The following TAFA5 variants were observed in gnomAD, a reference collection of about 807,000 sequenced individuals.
TAFA5 encodes the protein TAFA chemokine like family member 5.
A neutral mutation model predicts 15.3 loss-of-function variants in TAFA5; 6 were observed. The observed-to-expected ratio is 0.39, with a 90% CI of 0.21 to 0.77. The LOEUF is 0.77. TAFA5 is among the 30% of genes least tolerant of loss of function. TAFA5 has a pLI of 0.41. For missense variants in TAFA5, 161 were observed against 193.1 expected, an observed-to-expected ratio of 0.83 and a Z score of 0.98; for synonymous variants, 103 against 80.7, an observed-to-expected ratio of 1.28 and a Z score of -1.48.
chr22:48,600,955 C>T (rs1024785858), intron 1 of TAFA5, among the ~76,000 whole-genome samples: 80 of 152,318 alleles, frequency 5.3e-4, no homozygotes, highest in African/African-American at 7.7e-4. Flanking sequence ...GCTCCCTCTC[C>T]GCGGTCACGG....
intron 1 of TAFA5, among the ~76,000 whole-genome samples, chr22:48,567,061 G>A (rs1178551627): frequency 1.3e-5 from 2 of 152,246 alleles, no homozygotes; most frequent in East Asian, 3.8e-4. Context: ...CACACGGGCA[G>A]GTGCTGCTTC....
chr22:48,665,455 A>T (rs1156300852), intron 2 of TAFA5, among the ~76,000 whole-genome samples: 1 of 152,066 alleles, frequency 6.6e-6, no homozygotes, highest in Non-Finnish European at 1.5e-5. Context: ...GGGAAACGTC[A>T]TCTTACCCCA....
At chr22:48,646,113 T>C (rs1010863251) in intron 1 of TAFA5, among the ~76,000 whole-genome samples, 2 of 152,120 alleles carry the variant, frequency 1.3e-5, no homozygotes, top group Non-Finnish European at 1.5e-5. Flanking sequence ...CACACAACTT[T>C]TGACAAGCCT....
In TAFA5 at chr22:48,706,083, C is replaced by A. The variant is rs891123042; in HGVS notation, c.263-1634C>A. Among the ~76,000 whole-genome samples, 24 of 152,202 alleles carry A rather than the reference C, an allele frequency of 1.6e-4. 1 individual carries two copies. The highest frequency in any genetic ancestry group is 3.5e-4 in the Non-Finnish European group (24 of 68,028). Reference sequence around the variant, plus strand: ...CCATGGGGGCCACTCTTGCCCTGGGCCTGGGTGTCTGTGCAGCCTGGGCCT... The same window carrying A: ...CCATGGGGGCCACTCTTGCCCTGGGACTGGGTGTCTGTGCAGCCTGGGCCT... On this transcript the variant is annotated intron_variant, in intron 2 of 3. Coordinates refer to ENST00000402357, the MANE Select transcript of TAFA5 (RefSeq NM_001082967.3).
chr22:48,601,182 G>A (rs1386916216), intron 1 of TAFA5, among the ~76,000 whole-genome samples: 1 of 152,220 alleles, frequency 6.6e-6, no homozygotes, highest in East Asian at 1.9e-4. Context: ...AGGACAAAAC[G>A]TGGTGTGTGT....
intron 1 of TAFA5, among the ~76,000 whole-genome samples, chr22:48,537,925 G>T (rs564300613): frequency 8.8e-4 from 134 of 152,292 alleles, no homozygotes; most frequent in Middle Eastern, 6.8e-3. Context: ...GCAGGGGCAC[G>T]ATGCCTTCCA....
chr22:48,674,415 A>G (rs531711262), intron 2 of TAFA5, among the ~76,000 whole-genome samples: 1 of 152,262 alleles, frequency 6.6e-6, no homozygotes, highest in South Asian at 2.1e-4. Flanking sequence ...CACACATCCC[A>G]GGATCTGCTC....
chr22:48,670,143 G>A (rs75796549), intron 2 of TAFA5, among the ~76,000 whole-genome samples: 1,718 of 152,278 alleles, frequency 0.011, 35 homozygotes, highest in African/African-American at 0.04. Context: ...CAGCTCTCCG[G>A]GCTGTGCGTG....
intron 1 of TAFA5, among the ~76,000 whole-genome samples, chr22:48,531,074 C>T (rs986370519): frequency 2.6e-5 from 4 of 152,090 alleles, no homozygotes; most frequent in African/African-American, 9.7e-5. Flanking sequence ...TCAGAGGTGG[C>T]TGGGGTAGCC....
chr22:48,748,869 G>A (rs560835775), intron 3 of TAFA5, among the ~76,000 whole-genome samples: 3 of 152,320 alleles, frequency 2.0e-5, no homozygotes, highest in South Asian at 2.1e-4. Context: ...GGTGCCTGGA[G>A]GTGCCCGCCC....
intron 2 of TAFA5, among the ~76,000 whole-genome samples, chr22:48,702,864 T>G (rs981713215): frequency 6.6e-6 from 1 of 152,198 alleles, no homozygotes; most frequent in Non-Finnish European, 1.5e-5. Flanking sequence ...GGAAGTGGGC[T>G]GGGGTGGGTG....
At chr22:48,555,417 G>A (rs1003588194) in intron 1 of TAFA5, among the ~76,000 whole-genome samples, 4 of 152,216 alleles carry the variant, frequency 2.6e-5, no homozygotes, top group African/African-American at 9.6e-5. Flanking sequence ...TCCGGGGAGG[G>A]CGGCTGCTCC....
chr22:48,535,211 C>T (rs1922113383), intron 1 of TAFA5, among the ~76,000 whole-genome samples: 1 of 152,176 alleles, frequency 6.6e-6, no homozygotes, highest in African/African-American at 2.4e-5. Flanking sequence ...AATGATCACC[C>T]CACCACTGTA....
At chr22:48,576,863 T>G (rs2147142492) in intron 1 of TAFA5, among the ~76,000 whole-genome samples, 1 of 151,972 alleles carries the variant, frequency 6.6e-6, no homozygotes, top group South Asian at 2.1e-4. Context: ...AAGCCGAGGC[T>G]GCCGTTCCCA....
At position 48,553,967 on chromosome 22, in the gene TAFA5, C is replaced by T. The variant is rs1041763884; in HGVS notation, c.112+64263C>T. On this transcript the variant is annotated intron_variant, in intron 1 of 3. Coordinates refer to ENST00000402357, the MANE Select transcript of TAFA5 (RefSeq NM_001082967.3). ...GCTTGTCCAGGCCACTGAATGGGAG[C>T]ATCAAAGAAGATACGGAAATTCCCC... is the stretch of plus-strand genomic sequence containing the variant. 1.1e-3 allele frequency among the ~76,000 whole-genome samples: 173 copies of T among 152,336 alleles called. 4 individuals carry two copies. Among genetic ancestry groups the T allele is most frequent in the Admixed American group, 0.011 (173 of 15,306 alleles).
At chr22:48,533,572 C>T (rs73888444) in intron 1 of TAFA5, among the ~76,000 whole-genome samples, 2,439 of 152,250 alleles carry the variant, frequency 0.016, 66 homozygotes, top group African/African-American at 0.055. Flanking sequence ...CATTCTGAAA[C>T]GCCAGGAAGG....
intron 1 of TAFA5, among the ~76,000 whole-genome samples, chr22:48,531,429 G>A (rs1037170560): frequency 2.1e-4 from 32 of 152,130 alleles, no homozygotes; most frequent in African/African-American, 7.5e-4. Flanking sequence ...CTCTGCAGGT[G>A]GCTCCTGACA....
chr22:48,584,652 CCACA>C (rs748316724), intron 1 of TAFA5, among the ~76,000 whole-genome samples: 11 of 147,766 alleles, frequency 7.4e-5, no homozygotes, highest in African/African-American at 2.5e-4. Flanking sequence ...CACACATGCA[CCACA>C]CACACAGCAC....
At position 48,716,602 on chromosome 22, in the gene TAFA5, G is replaced by A. The variant is rs1208920463; in HGVS notation, c.390+8758G>A. On this transcript the variant is annotated intron_variant, in intron 3 of 3. Coordinates refer to ENST00000402357, the MANE Select transcript of TAFA5 (RefSeq NM_001082967.3). Reference sequence around the variant, plus strand: ...TAAAACCTAGATGACAGGTTGATAGGTGCAGCAAACCACCGTGGCACATGT... The same window carrying A: ...TAAAACCTAGATGACAGGTTGATAGATGCAGCAAACCACCGTGGCACATGT... Among the ~76,000 whole-genome samples, 10 of 152,162 alleles carry A rather than the reference G, an allele frequency of 6.6e-5. 1 individual carries two copies. The South Asian group carries it at 1.2e-3, about 19-fold the overall frequency.
Sources: gnomAD v4.1 joint callset for allele counts (sites outside exome capture counted in the v4.1 genomes callset) on GRCh38, gnomAD v4.1.1 for gene constraint, MANE v1.5 for transcripts, NCBI Gene and HGNC (gene_info 2026-07-23, HGNC 2026-07-21) for gene names.